The following GRM7 variants were observed in gnomAD, a reference collection of about 807,000 sequenced individuals.
GRM7 encodes the protein metabotropic glutamate receptor 7.
A neutral mutation model predicts 84.5 loss-of-function variants in GRM7; 35 were observed. The ratio of observed to expected loss-of-function variants is 0.41; its 90% CI spans 0.32 to 0.55. GRM7 has a LOEUF of 0.55. Among genes scored for constraint, GRM7 ranks in the 20% least tolerant of loss-of-function variants. GRM7 has a pLI of 0.19. For missense variants in GRM7, 1,003 were observed against 1,194.6 expected (o/e 0.84, Z 2.36); for synonymous variants, 487 against 455.1 (o/e 1.07, Z -0.89).
chr3:7,608,406 A>G (rs972740020), intron 8 of GRM7, among the ~76,000 whole-genome samples: 4 of 152,070 alleles, frequency 2.6e-5, no homozygotes, highest in Non-Finnish European at 5.9e-5. Flanking sequence ...GACTTTTTTA[A>G]TAATAGCCAT....
intron 7 of GRM7, among the ~76,000 whole-genome samples, chr3:7,477,308 A>C (rs1401723833): frequency 2.6e-5 from 4 of 152,144 alleles, no homozygotes; most frequent in Non-Finnish European, 5.9e-5. Context: ...CCAAAGTCTT[A>C]CTAGATCTTA....
chr3:7,202,127 C>T (rs923219668), intron 2 of GRM7, among the ~76,000 whole-genome samples: 1 of 151,992 alleles, frequency 6.6e-6, no homozygotes, highest in Non-Finnish European at 1.5e-5. Flanking sequence ...CTATAGTCAT[C>T]TTGTCTCAAA....
intron 7 of GRM7, among the ~76,000 whole-genome samples, chr3:7,512,079 T>C (rs1181974558): frequency 4.6e-5 from 7 of 151,952 alleles, no homozygotes; most frequent in Non-Finnish European, 1.0e-4. Flanking sequence ...CAGGAAGGAA[T>C]TGGAGACTAC....
intron 4 of GRM7, among the ~76,000 whole-genome samples, chr3:7,404,461 G>T (rs979352078): frequency 1.2e-4 from 18 of 152,174 alleles, no homozygotes; most frequent in Non-Finnish European, 2.1e-4. Context: ...AGTTGAGAAA[G>T]AAATAGAAAT....
chr3:7,193,572 A>G (rs188935055), intron 2 of GRM7, among the ~76,000 whole-genome samples: 2 of 152,226 alleles, frequency 1.3e-5, no homozygotes, highest in Admixed American at 1.3e-4. Flanking sequence ...AATAGTAATC[A>G]TTAATGCATG....
chr3:7,674,242 AATACAGTGACGCG>A (rs1166516378), intron 8 of GRM7, among the ~76,000 whole-genome samples: 1 of 151,042 alleles, frequency 6.6e-6, no homozygotes, highest in African/African-American at 2.4e-5. Flanking sequence ...CCCAGGCTGG[AATACAGTGACGCG>A]ATCTTGGCTC....
chr3:7,366,087 G>T (rs1575226314), intron 4 of GRM7, among the ~76,000 whole-genome samples: 1 of 151,672 alleles, frequency 6.6e-6, no homozygotes, highest in South Asian at 2.1e-4. Flanking sequence ...TCATTGGAAT[G>T]GAGGGAGCTA....
At chr3:6,874,464 A>C (rs1046276947) in intron 1 of GRM7, among the ~76,000 whole-genome samples, 4 of 152,162 alleles carry the variant, frequency 2.6e-5, no homozygotes, top group African/African-American at 7.2e-5. Flanking sequence ...TTACTGATCA[A>C]CTGGTCATAT....
At chr3:7,269,589 C>T (rs765825125) in intron 2 of GRM7, among the ~76,000 whole-genome samples, 34 of 152,306 alleles carry the variant, frequency 2.2e-4, no homozygotes, top group Middle Eastern at 3.4e-3. Context: ...AGCTACGCCT[C>T]CTCTGATGAT....
At chr3:7,244,215 C>G (rs1697669828) in intron 2 of GRM7, among the ~76,000 whole-genome samples, 1 of 152,030 alleles carries the variant, frequency 6.6e-6, no homozygotes, top group Non-Finnish European at 1.5e-5. Context: ...AACTTTTTGA[C>G]TTTTGTGTGA....
chr3:7,542,943 C>T (rs576297360), intron 7 of GRM7, among the ~76,000 whole-genome samples: 3 of 152,296 alleles, frequency 2.0e-5, no homozygotes, highest in Admixed American at 6.5e-5. Context: ...CTCCCACCCT[C>T]GCCATACCCT....
intron 9 of GRM7, among the ~76,000 whole-genome samples, chr3:7,726,613 CTATATATATA>C (rs56250356): frequency 0.02 from 1,168 of 58,036 alleles, 58 homozygotes; most frequent in African/African-American, 0.059. Flanking sequence ...CTCTCTCCCT[CTATATATATA>C]TATATATATA....
At chr3:7,334,492 AAAAC>A (rs1186883286) in intron 4 of GRM7, among the ~76,000 whole-genome samples, 3 of 79,876 alleles carry the variant, frequency 3.8e-5, no homozygotes, top group African/African-American at 1.4e-4. Flanking sequence ...AAAAAATAGA[AAAAC>A]AAAAACAAAA....
chr3:7,223,566 A>T (rs1234227921), intron 2 of GRM7, among the ~76,000 whole-genome samples: 1 of 151,784 alleles, frequency 6.6e-6, no homozygotes, highest in Non-Finnish European at 1.5e-5. Context: ...ATATGTTCTC[A>T]TCTTTCCTTT....
At chr3:6,944,273 T>C (rs565919712) in intron 1 of GRM7, among the ~76,000 whole-genome samples, 7 of 152,104 alleles carry the variant, frequency 4.6e-5, no homozygotes, top group Non-Finnish European at 1.0e-4. Flanking sequence ...AGAAAAGACT[T>C]TCAATCTTTC....
rs144817626 is a variant in GRM7 at position 7,463,282 on chromosome 3, G to A, written c.1515+1560G>A. On this transcript the variant is annotated intron_variant, in intron 7 of 9. Transcript: ENST00000357716. ...CAATATCCGTAAGAGTTCCCAAGTA[G>A]CATTCACCAACTTCAGATGGGGTCT... is the stretch of plus-strand genomic sequence containing the variant. 1.3e-3 allele frequency among the ~76,000 whole-genome samples: 197 copies of A among 152,300 alleles called. 1 individual carries two copies. Among genetic ancestry groups the A allele is most frequent in the African/African-American group, 4.5e-3 (188 of 41,560 alleles).
intron 1 of GRM7, among the ~76,000 whole-genome samples, chr3:7,095,303 G>A (rs1390733344): frequency 1.3e-5 from 2 of 152,114 alleles, no homozygotes; most frequent in South Asian, 2.1e-4. Flanking sequence ...TTACTAAGTG[G>A]CTTGACTACA....
At chr3:7,149,365 G>A (rs1694207225) in intron 2 of GRM7, among the ~76,000 whole-genome samples, 1 of 152,102 alleles carries the variant, frequency 6.6e-6, no homozygotes, top group African/African-American at 2.4e-5. Flanking sequence ...CACATCCCAT[G>A]ACCTCTAAAA....
chr3:7,681,824 T>C (rs1700379772), intron 9 of GRM7: 1 of 152,218 alleles, frequency 6.6e-6, no homozygotes, highest in African/African-American at 2.4e-5. Flanking sequence ...AACATAATTA[T>C]GTATAAAAGA....
Sources: allele counts gnomAD v4.1 joint callset (sites outside exome capture counted in the v4.1 genomes callset), GRCh38; gene constraint gnomAD v4.1.1; transcripts MANE v1.5; gene names NCBI Gene and HGNC (gene_info 2026-07-23, HGNC 2026-07-21).